ACACA: variants seen among roughly 807,000 people sequenced by gnomAD.
ACACA encodes the protein acetyl-CoA carboxylase 1.
In ACACA, 103 loss-of-function variants were observed where a neutral mutation model predicts 296.1. The ratio of observed to expected loss-of-function variants is 0.35; its 90% CI spans 0.30 to 0.41. ACACA has a LOEUF of 0.41. ACACA is among the 10% of genes least tolerant of loss of function. ACACA has a pLI of 1.00. For synonymous variants in ACACA, 953 were observed against 1,038.6 expected, an observed-to-expected ratio of 0.92 and a Z score of 1.58; for missense variants, 1,554 against 2,989.7, an observed-to-expected ratio of 0.52 and a Z score of 11.20.
chr17:37,293,773 C>T lies in ACACA; in HGVS notation c.339-8803G>A, dbSNP rs191695295. ...CAGGCTGGTCTCGAACTCCTGACCT[C>T]GGGTGATCCACCCTCCTTGGCCTTC... On this transcript the variant is annotated intron_variant, in intron 3 of 55. Transcript: ENST00000616317. Among the ~76,000 whole-genome samples the T allele has an allele frequency of 2.1e-4, 32 of 152,188 alleles. No individual in the cohort carries two copies. The East Asian group carries it at 4.4e-3, about 21-fold the overall frequency.
intron 42 of ACACA, among the ~76,000 whole-genome samples, chr17:37,160,313 T>C (rs1168862756): frequency 6.6e-6 from 1 of 152,196 alleles, no homozygotes. Context: ...GGAGGGATTG[T>C]CTTTAGACAG....
intron 48 of ACACA, among the ~76,000 whole-genome samples, chr17:37,123,450 G>T (rs2074621530): frequency 6.6e-6 from 1 of 152,308 alleles, no homozygotes; most frequent in South Asian, 2.1e-4. Context: ...CAGAGAGCAA[G>T]ACAAAGTACA....
chr17:37,185,378 G>A lies in ACACA; in HGVS notation c.4776+2899C>T, dbSNP rs372146142. ...CTCCTGAGTAGTTGGTACTACAGGT[G>A]CATGACACCATGCCTGGCTATTTCT... On this transcript the variant is annotated intron_variant, in intron 39 of 55. Transcript: ENST00000616317. Among the ~76,000 whole-genome samples the A allele has an allele frequency of 3.5e-4, 51 of 144,588 alleles. 1 individual carries two copies. The East Asian group carries it at 5.7e-3, about 16-fold the overall frequency. The allele number at this position is 144,588 out of a possible 152,430, so 94.9% of individuals were successfully genotyped here. A position where few individuals can be genotyped will look rare whatever the true frequency, so the allele number is the denominator to read the frequency against.
chr17:37,351,621 T>C (rs982037027), intron 1 of ACACA, among the ~76,000 whole-genome samples: 6 of 152,246 alleles, frequency 3.9e-5, no homozygotes, highest in African/African-American at 1.4e-4. Flanking sequence ...GCCAGACAAC[T>C]GAAATGTTAT....
chr17:37,224,210 T>A (rs895832479), intron 27 of ACACA, among the ~76,000 whole-genome samples: 22 of 152,048 alleles, frequency 1.4e-4, no homozygotes. Flanking sequence ...TCAGAAAAAT[T>A]AAATAAAATA....
intron 1 of ACACA, among the ~76,000 whole-genome samples, chr17:37,381,794 AT>A (rs570842986): frequency 2.0e-5 from 3 of 151,390 alleles, no homozygotes; most frequent in Non-Finnish European, 4.4e-5. Flanking sequence ...CACCCAGTTA[AT>A]TTTTTGTATT....
intron 41 of ACACA, among the ~76,000 whole-genome samples, chr17:37,166,949 C>T (rs1031767470): frequency 1.3e-5 from 2 of 151,680 alleles, no homozygotes; most frequent in African/African-American, 4.8e-5. Context: ...GAATTGTTTA[C>T]TTATTTTTTT....
At chr17:37,269,819 A>G (rs2081989247) in intron 10 of ACACA, among the ~76,000 whole-genome samples, 1 of 152,008 alleles carries the variant, frequency 6.6e-6, no homozygotes, top group Admixed American at 6.6e-5. Context: ...AAAGAAGTGC[A>G]AAGTAGAAGA....
chr17:37,104,331 T>G (rs1403602633), intron 52 of ACACA, among the ~76,000 whole-genome samples: 1 of 152,188 alleles, frequency 6.6e-6, no homozygotes, highest in African/African-American at 2.4e-5. Context: ...GAAATATCAC[T>G]GGTCAAATAA....
At chr17:37,246,652 C>T (rs1046633586) in intron 19 of ACACA, among the ~76,000 whole-genome samples, 174 bp downstream of exon 19, 2 of 152,000 alleles carry the variant, frequency 1.3e-5, no homozygotes, top group Admixed American at 6.5e-5. Flanking sequence ...AGGCTAGTCT[C>T]GAACTCCTGG....
chr17:37,401,196 CTTTTT>C (rs1234610912), intron 1 of ACACA, among the ~76,000 whole-genome samples: 1 of 134,352 alleles, frequency 7.4e-6, no homozygotes, highest in Non-Finnish European at 1.6e-5. Flanking sequence ...TTTTGTTTTT[CTTTTT>C]TTTTTTTTTT....
chr17:37,381,155 G>A (rs922967407), intron 1 of ACACA, among the ~76,000 whole-genome samples: 4 of 151,786 alleles, frequency 2.6e-5, no homozygotes, highest in Non-Finnish European at 5.9e-5. Flanking sequence ...GCTTGTTTTT[G>A]TTTTTTGTTG....
At chr17:37,287,830 A>C (rs529944723) in intron 3 of ACACA, among the ~76,000 whole-genome samples, 210 of 152,040 alleles carry the variant, frequency 1.4e-3, no homozygotes, top group African/African-American at 4.9e-3. Context: ...GGACAGACAT[A>C]ACAAAGGCTA....
intron 45 of ACACA, among the ~76,000 whole-genome samples, chr17:37,142,835 T>A (rs1449177942): frequency 6.6e-6 from 1 of 152,254 alleles, no homozygotes; most frequent in Non-Finnish European, 1.5e-5. Context: ...AATACATGAA[T>A]GTACTGCCAC....
rs1445465917 is a variant in ACACA, at chr17:37,213,751, T to C, written c.3684-3261A>G. Among the ~76,000 whole-genome samples the C allele has an allele frequency of 2.0e-5, 3 of 152,202 alleles. No homozygotes were observed. In the South Asian group the frequency reaches 6.2e-4, roughly 32 times the overall value. ...GGCACTAAGTCACCTCTGATTTTAT[T>C]GCTCTGCCTGCCCAGAATGGCTGGA... On this transcript the variant is annotated intron_variant, in intron 29 of 55. Transcript: ENST00000616317.
intron 11 of ACACA, among the ~76,000 whole-genome samples, chr17:37,260,871 T>A (rs1032311613): frequency 1.1e-4 from 17 of 152,078 alleles, no homozygotes; most frequent in African/African-American, 4.1e-4. Context: ...AAAATAAACT[T>A]CTATTTTTGG....
At chr17:37,313,217 G>A (rs565186848) in intron 3 of ACACA, among the ~76,000 whole-genome samples, 2 of 151,986 alleles carry the variant, frequency 1.3e-5, no homozygotes, top group African/African-American at 2.4e-5. Context: ...AAGGTGATGG[G>A]TTCATCTGTG....
intron 52 of ACACA, among the ~76,000 whole-genome samples, chr17:37,105,596 G>A (rs1299032929): frequency 1.3e-5 from 2 of 152,106 alleles, no homozygotes; most frequent in Admixed American, 6.6e-5. Context: ...CAGGCACGGT[G>A]GCTCATGCCT....
At chr17:37,100,451 G>A (rs934848858) in intron 52 of ACACA, among the ~76,000 whole-genome samples, 3 of 151,962 alleles carry the variant, frequency 2.0e-5, no homozygotes, top group Non-Finnish European at 4.4e-5. Context: ...AAGCAGAATC[G>A]AAATCTAACC....
Sources: allele counts gnomAD v4.1 joint callset (sites outside exome capture counted in the v4.1 genomes callset), GRCh38; gene constraint gnomAD v4.1.1; transcripts MANE v1.5; gene names NCBI Gene and HGNC (gene_info 2026-07-23, HGNC 2026-07-21).